MAML3: variants seen among roughly 807,000 people sequenced by gnomAD.
MAML3 encodes the protein mastermind-like protein 3.
In MAML3, 27 loss-of-function variants were observed where a neutral mutation model predicts 101.9. That is an observed-to-expected ratio of 0.27 (90% CI 0.20 to 0.37). The LOEUF (loss-of-function observed/expected upper bound fraction) is 0.37. MAML3 is among the 10% of genes least tolerant of loss of function. The pLI, the probability that MAML3 is intolerant of heterozygous loss-of-function variation, is 1.00. For missense variants in MAML3, 1,316 were observed against 1,444.9 expected (o/e 0.91, Z 1.45); for synonymous variants, 501 against 555.9 (o/e 0.90, Z 1.39).
intron 2 of MAML3, among the ~76,000 whole-genome samples, chr4:139,793,892 G>T (rs575188122): frequency 6.6e-6 from 1 of 152,086 alleles, no homozygotes; most frequent in Non-Finnish European, 1.5e-5. Context: ...TGTACACTGA[G>T]AATACATTAC....
At chr4:139,912,924 A>AT (rs1193538786) in intron 1 of MAML3, among the ~76,000 whole-genome samples, 1 of 152,116 alleles carries the variant, frequency 6.6e-6, no homozygotes, top group African/African-American at 2.4e-5. Context: ...GGTATTTGTT[A>AT]TGGCAGCCCT....
At chr4:139,832,197 C>A (rs112989265) in intron 2 of MAML3, among the ~76,000 whole-genome samples, 82 of 150,178 alleles carry the variant, frequency 5.5e-4, no homozygotes, top group African/African-American at 1.9e-3. Flanking sequence ...CTCCACCTCC[C>A]GGGTTCAAGT....
rs10644498 is a variant in MAML3, at chr4:139,943,864, C to CTTTTTT, written c.469-52903_469-52898dup. On this transcript the variant is annotated intron_variant, in intron 1 of 4. Transcript: ENST00000509479. ...GGTTGGGTTGTGGGCCTAAAGACAACTTTTTTTTTTTTTTTTTTTTTTTTG... is the reference window on the plus strand; with the variant it reads ...GGTTGGGTTGTGGGCCTAAAGACAACTTTTTTTTTTTTTTTTTTTTTTTTTTTTTTG... Among the ~76,000 whole-genome samples, 205 of 65,856 alleles carry CTTTTTT rather than the reference C, an allele frequency of 3.1e-3. 14 individuals are homozygous for CTTTTTT. Among genetic ancestry groups the CTTTTTT allele is most frequent in the Middle Eastern group, 9.4e-3 (1 of 106 alleles). 43.2% of individuals were successfully genotyped at this position (65,856 alleles called of 152,430 possible). A position where few individuals can be genotyped will look rare whatever the true frequency, so the allele number is the denominator to read the frequency against.
At chr4:139,883,889 C>CTTTTTTTTTTTTTT (rs70943452) in intron 2 of MAML3, among the ~76,000 whole-genome samples, 1 of 74,324 alleles carries the variant, frequency 1.3e-5, no homozygotes, top group Admixed American at 1.8e-4. Flanking sequence ...AATTGCTTGT[C>CTTTTTTTTTTTTTT]TTTTTTTTTT....
chr4:139,804,707 T>C (rs1730674696), intron 2 of MAML3, among the ~76,000 whole-genome samples: 1 of 152,252 alleles, frequency 6.6e-6, no homozygotes, highest in Non-Finnish European at 1.5e-5. Context: ...CTGCTTATAG[T>C]CTCATATGTA....
rs74590880 is a variant in MAML3, at chr4:139,931,190, C to T, written c.469-40223G>A. Among the ~76,000 whole-genome samples, 208 of 152,270 alleles carry T rather than the reference C, an allele frequency of 1.4e-3. 4 individuals carry two copies. The East Asian group carries it at 0.037, about 27-fold the overall frequency. Reference sequence around the variant, plus strand: ...ATTATAAAAAAATCTCAAGACAGCGCCAGCAGAGCATTAAAACAAGCCCCA... The same window carrying T: ...ATTATAAAAAAATCTCAAGACAGCGTCAGCAGAGCATTAAAACAAGCCCCA... On this transcript the variant is annotated intron_variant, in intron 1 of 4. Transcript: ENST00000509479.
intron 1 of MAML3, among the ~76,000 whole-genome samples, chr4:140,109,203 T>C (rs1410404252): frequency 6.6e-6 from 1 of 152,132 alleles, no homozygotes; most frequent in African/African-American, 2.4e-5. Flanking sequence ...ATAACTATGC[T>C]TGACAAAAAG....
chr4:139,882,110 G>A (rs781766205), intron 2 of MAML3, among the ~76,000 whole-genome samples: 27 of 152,150 alleles, frequency 1.8e-4, no homozygotes, highest in Non-Finnish European at 5.9e-5. Context: ...TTAATAATTG[G>A]GTTGGAAGAT....
intron 1 of MAML3, among the ~76,000 whole-genome samples, chr4:140,104,378 T>TATATATATATTATATATTATATA (rs1553976044): frequency 2.2e-5 from 2 of 90,416 alleles, no homozygotes; most frequent in African/African-American, 4.2e-5. Context: ...ATATATATAA[T>TATATATATATTATATATTATATA]ATATATATAT....
At chr4:140,042,909 G>T (rs1369217190) in intron 1 of MAML3, among the ~76,000 whole-genome samples, 1 of 152,142 alleles carries the variant, frequency 6.6e-6, no homozygotes, top group Non-Finnish European at 1.5e-5. Flanking sequence ...CCAAGATGTT[G>T]GGTGAGTCTC....
At position 140,105,234 on chromosome 4, in the gene MAML3, G is replaced by C. The variant is rs147942217; in HGVS notation, c.468+47626C>G. Among the ~76,000 whole-genome samples, 357 of 152,332 alleles carry C rather than the reference G, an allele frequency of 2.3e-3. 3 individuals carry two copies. The highest frequency in any genetic ancestry group is 8.1e-3 in the African/African-American group (336 of 41,572). The stretch of plus-strand genomic sequence containing the variant: ...TGCAAAATAAAGTCCTTTTGTGCTA[G>C]TGCACATTCTTGGATAAAACATCTT... On this transcript the variant is annotated intron_variant, in intron 1 of 4. Coordinates refer to ENST00000509479, the MANE Select transcript of MAML3 (RefSeq NM_018717.5).
chr4:139,737,198 T>C (rs76326981), intron 2 of MAML3, among the ~76,000 whole-genome samples: 2,169 of 152,248 alleles, frequency 0.014, 52 homozygotes, highest in African/African-American at 0.048. Flanking sequence ...TTGAGGAAAG[T>C]TCCCTCTGAT....
chr4:139,722,106 A>T (rs1728260218), intron 4 of MAML3, among the ~76,000 whole-genome samples: 1 of 152,234 alleles, frequency 6.6e-6, no homozygotes, highest in Non-Finnish European at 1.5e-5. Context: ...GATATGGTAA[A>T]GGACTAGATA....
chr4:140,023,737 T>A (rs1726774211), intron 1 of MAML3, among the ~76,000 whole-genome samples: 1 of 152,222 alleles, frequency 6.6e-6, no homozygotes, highest in African/African-American at 2.4e-5. Flanking sequence ...ATTCTTTAGG[T>A]CTACACTCTT....
intron 1 of MAML3, among the ~76,000 whole-genome samples, chr4:139,995,421 G>A (rs1299300176): frequency 6.6e-6 from 1 of 152,126 alleles, no homozygotes; most frequent in East Asian, 1.9e-4. Context: ...GCTTAATGAA[G>A]GATTTATATA....
At chr4:139,932,743 C>T (rs1224243058) in intron 1 of MAML3, among the ~76,000 whole-genome samples, 3 of 152,140 alleles carry the variant, frequency 2.0e-5, no homozygotes, top group African/African-American at 4.8e-5. Flanking sequence ...AGTGGGTTCA[C>T]CTGATGGACA....
At chr4:139,783,743 G>A (rs1023419409) in intron 2 of MAML3, among the ~76,000 whole-genome samples, 3 of 152,152 alleles carry the variant, frequency 2.0e-5, no homozygotes, top group African/African-American at 7.2e-5. Context: ...GTTAACTTGT[G>A]GCCCCTTGGA....
At chr4:139,836,422 G>T (rs182076095) in intron 2 of MAML3, among the ~76,000 whole-genome samples, 148 of 152,332 alleles carry the variant, frequency 9.7e-4, no homozygotes, top group Non-Finnish European at 1.8e-3. Flanking sequence ...ACTGGGGCAG[G>T]AGGTAGGGTG....
At chr4:140,028,453 T>C (rs1726860254) in intron 1 of MAML3, among the ~76,000 whole-genome samples, 1 of 152,196 alleles carries the variant, frequency 6.6e-6, no homozygotes, top group South Asian at 2.1e-4. Flanking sequence ...CCCATCTCTC[T>C]CCTTCTCTCT....
Sources: gnomAD v4.1 joint callset for allele counts (sites outside exome capture counted in the v4.1 genomes callset) on GRCh38, gnomAD v4.1.1 for gene constraint, MANE v1.5 for transcripts, NCBI Gene and HGNC (gene_info 2026-07-23, HGNC 2026-07-21) for gene names.